The following HECW2 variants were observed in gnomAD, a reference collection of about 807,000 sequenced individuals.
The protein encoded by HECW2 is E3 ubiquitin-protein ligase HECW2.
Under a neutral mutation model 175.2 loss-of-function variants are expected in HECW2, and 61 were observed. The observed-to-expected ratio is 0.35, with a 90% CI of 0.28 to 0.43. HECW2 has a LOEUF of 0.43. HECW2 is among the 20% of genes least tolerant of loss of function. The probability of loss-of-function intolerance (pLI) is 1.00; values close to 1 mark genes in which losing one functional copy is unlikely to be tolerated. For synonymous variants in HECW2, 671 were observed against 731.0 expected, an observed-to-expected ratio of 0.92 and a Z score of 1.32; for missense variants, 1,524 against 2,000.5, an observed-to-expected ratio of 0.76 and a Z score of 4.54.
intron 2 of HECW2, among the ~76,000 whole-genome samples, chr2:196,426,877 T>C (rs996800862): frequency 6.6e-6 from 1 of 152,172 alleles, no homozygotes; most frequent in East Asian, 1.9e-4. Context: ...TGGTTTACTA[T>C]TGCAATCTTA....
chr2:196,571,483 TG>T (rs1283782774), intron 1 of HECW2, among the ~76,000 whole-genome samples: 1 of 151,966 alleles, frequency 6.6e-6, no homozygotes, highest in South Asian at 2.1e-4. Context: ...CCAAGGTGGG[TG>T]GATCACTTGA....
chr2:196,519,456 G>C (rs78078700), intron 1 of HECW2, among the ~76,000 whole-genome samples: 1 of 152,128 alleles, frequency 6.6e-6, no homozygotes, highest in Non-Finnish European at 1.5e-5. Flanking sequence ...TCTATGTTCT[G>C]AAGAAAATGC....
chr2:196,495,323 C>T (rs1687352853), intron 1 of HECW2, among the ~76,000 whole-genome samples: 1 of 152,166 alleles, frequency 6.6e-6, no homozygotes, highest in Non-Finnish European at 1.5e-5. Context: ...ACCTCGGCCT[C>T]CCAAAGTGCT....
intron 1 of HECW2, among the ~76,000 whole-genome samples, chr2:196,516,602 G>GT (rs1302837669): frequency 6.6e-6 from 1 of 152,082 alleles, no homozygotes; most frequent in African/African-American, 2.4e-5. Flanking sequence ...AGTCCACAAG[G>GT]TATCGGGAAT....
intron 18 of HECW2, among the ~76,000 whole-genome samples, chr2:196,255,940 G>C (rs920770162): frequency 6.6e-5 from 10 of 152,064 alleles, no homozygotes; most frequent in Admixed American, 5.9e-4. Context: ...GGGCGTGGTG[G>C]CTTGCACCTG....
chr2:196,561,909 G>T (rs566192332), intron 1 of HECW2, among the ~76,000 whole-genome samples: 27 of 152,296 alleles, frequency 1.8e-4, no homozygotes, highest in African/African-American at 6.5e-4. Context: ...TGGTCTGTGA[G>T]AACTTAGAGG....
At chr2:196,320,486 G>T in intron 7 of HECW2, 47 bp from the exon 8 acceptor site, 1 of 1,293,278 alleles carries the variant, frequency 7.7e-7, no homozygotes, top group Non-Finnish European at 1.1e-6. Context: ...GCTGGAGTCA[G>T]CCTTCGCCGT....
At chr2:196,397,827 A>G (rs1279668342) in intron 2 of HECW2, among the ~76,000 whole-genome samples, 1 of 152,328 alleles carries the variant, frequency 6.6e-6, no homozygotes. Flanking sequence ...AATGCTTCCA[A>G]TGTAGTCTTT....
intron 1 of HECW2, among the ~76,000 whole-genome samples, chr2:196,450,816 G>A (rs1347066759): frequency 6.6e-6 from 1 of 152,020 alleles, no homozygotes; most frequent in African/African-American, 2.4e-5. Flanking sequence ...CCCATTTGAT[G>A]CTGATAAATG....
At chr2:196,522,643 A>G (rs1302438528) in intron 1 of HECW2, among the ~76,000 whole-genome samples, 1 of 151,750 alleles carries the variant, frequency 6.6e-6, no homozygotes, top group African/African-American at 2.4e-5. Context: ...TCCATCTTGA[A>G]TTGATTTTTG....
At position 196,200,666 on chromosome 2, in the gene HECW2, T is replaced by C. The variant is rs968641206; in HGVS notation, c.*611A>G. The C allele has an allele frequency of 1.3e-5, 2 of 152,700 alleles. No homozygotes were observed. The highest frequency in any genetic ancestry group is 1.3e-4 in the Admixed American group (2 of 15,286). The allele number at this position is 152,700 out of a possible 1,614,324, so 9.5% of individuals were successfully genotyped here. A position where few individuals can be genotyped will look rare whatever the true frequency, so the allele number is the denominator to read the frequency against. ...CATAATTACACACATACCACTTGCA[T>C]ATACATTGTCACAGACCATCTTATT... On this transcript the variant is annotated 3_prime_UTR_variant, in exon 29 of 29. Transcript: ENST00000644978.
intron 2 of HECW2, among the ~76,000 whole-genome samples, chr2:196,407,931 A>G (rs1427957980): frequency 2.0e-5 from 3 of 152,232 alleles, no homozygotes; most frequent in Non-Finnish European, 2.9e-5. Context: ...CTTCTTCTCC[A>G]TGCAAAACAG....
chr2:196,408,486 C>G (rs1695023486), intron 2 of HECW2, among the ~76,000 whole-genome samples: 1 of 152,140 alleles, frequency 6.6e-6, no homozygotes, highest in Non-Finnish European at 1.5e-5. Context: ...ATCTTATCCC[C>G]CTCAGTCTCT....
chr2:196,580,377 T>C (rs535502048), intron 1 of HECW2, among the ~76,000 whole-genome samples: 13 of 152,044 alleles, frequency 8.6e-5, no homozygotes, highest in Non-Finnish European at 1.5e-4. Context: ...AAAGACACTA[T>C]CAATAAAGTG....
At chr2:196,249,906 C>G (rs955205687) in intron 19 of HECW2, among the ~76,000 whole-genome samples, 1 of 152,202 alleles carries the variant, frequency 6.6e-6, no homozygotes, top group Non-Finnish European at 1.5e-5. Context: ...TTACACAGGT[C>G]TTTGGAAAAT....
At chr2:196,206,884 G>C (rs1276422950) in intron 28 of HECW2, among the ~76,000 whole-genome samples, 3 of 152,220 alleles carry the variant, frequency 2.0e-5, no homozygotes. Context: ...CATACAAACA[G>C]TTAATAATAC....
intron 1 of HECW2, among the ~76,000 whole-genome samples, chr2:196,458,967 T>C (rs1696628716): frequency 6.6e-6 from 1 of 152,238 alleles, no homozygotes; most frequent in Admixed American, 6.5e-5. Context: ...ATTTATTATA[T>C]GTCCAGTTCC....
intron 4 of HECW2, among the ~76,000 whole-genome samples, chr2:196,331,659 A>G (rs73051612): frequency 0.041 from 6,257 of 152,310 alleles, 462 homozygotes; most frequent in African/African-American, 0.14. Context: ...CATTTTTCAA[A>G]TGTAATTCAC....
intron 13 of HECW2, among the ~76,000 whole-genome samples, chr2:196,302,791 T>C (rs748203397): frequency 6.6e-6 from 1 of 152,246 alleles, no homozygotes; most frequent in Non-Finnish European, 1.5e-5. Context: ...TGAAGTTGCT[T>C]ATCAGCTTAA....
Sources: gnomAD v4.1 joint callset for allele counts (sites outside exome capture counted in the v4.1 genomes callset) on GRCh38, gnomAD v4.1.1 for gene constraint, MANE v1.5 for transcripts, NCBI Gene and HGNC (gene_info 2026-07-23, HGNC 2026-07-21) for gene names.